BANK1: variants seen among roughly 807,000 people sequenced by gnomAD.
BANK1 encodes the protein B cell scaffold protein with ankyrin repeats 1.
A neutral mutation model predicts 94.5 loss-of-function variants in BANK1; 95 were observed. The observed-to-expected ratio is 1.00, with a 90% CI of 0.85 to 1.19. BANK1 has a LOEUF of 1.19. Ranked by LOEUF, BANK1 falls within the 50% of genes most tolerant of loss-of-function variation. BANK1 has a pLI of 0.00. For synonymous variants in BANK1, 334 were observed against 308.4 expected (o/e 1.08, Z -0.87); for missense variants, 987 against 932.2 (o/e 1.06, Z -0.77).
chr4:102,060,199 C>G lies in BANK1; in HGVS notation c.1970-12C>G, dbSNP rs1168011439. The G allele has an allele frequency of 6.4e-7, 1 of 1,551,296 alleles. No individual in the cohort carries two copies. Among genetic ancestry groups the G allele is most frequent in the South Asian group, 1.2e-5 (1 of 80,218 alleles). On this transcript the variant is annotated splice_polypyrimidine_tract_variant and intron_variant, in intron 11 of 16. Transcript: ENST00000322953. ...GGACTTTCTGTTAATGCACCCTCCCCTTGTATTTTAGACAGAGCTCGGATA... is the reference window on the plus strand; with the variant it reads ...GGACTTTCTGTTAATGCACCCTCCCGTTGTATTTTAGACAGAGCTCGGATA...
chr4:101,873,732 G>C (rs1225581299), intron 5 of BANK1, among the ~76,000 whole-genome samples: 1 of 152,028 alleles, frequency 6.6e-6, no homozygotes, highest in Non-Finnish European at 1.5e-5. Flanking sequence ...GAAATTTCCA[G>C]AACATCACTT....
intron 1 of BANK1, among the ~76,000 whole-genome samples, chr4:101,814,422 G>C (rs1434547513): frequency 6.6e-6 from 1 of 152,162 alleles, no homozygotes; most frequent in African/African-American, 2.4e-5. Flanking sequence ...ATTAAGTAGA[G>C]AGAAAGAACA....
intron 7 of BANK1, among the ~76,000 whole-genome samples, chr4:101,968,536 G>C (rs1230658363): frequency 6.6e-6 from 1 of 151,906 alleles, no homozygotes; most frequent in East Asian, 1.9e-4. Context: ...TCAAAGGGAG[G>C]TGTAGAGAGG....
At chr4:101,837,249 T>A (rs1425144957) in intron 2 of BANK1, among the ~76,000 whole-genome samples, 1 of 152,204 alleles carries the variant, frequency 6.6e-6, no homozygotes, top group Admixed American at 6.5e-5. Flanking sequence ...CTAAGACCGG[T>A]ACAACTGTTT....
At chr4:101,938,501 C>A (rs1578409593) in intron 7 of BANK1, among the ~76,000 whole-genome samples, 2 of 151,256 alleles carry the variant, frequency 1.3e-5, no homozygotes, top group East Asian at 3.9e-4. Context: ...TGATGGATAC[C>A]CCATTTACCC....
At chr4:102,013,387 A>G (rs17031856) in intron 7 of BANK1, among the ~76,000 whole-genome samples, 6,083 of 152,176 alleles carry the variant, frequency 0.04, 127 homozygotes, top group African/African-American at 0.055. Flanking sequence ...ATGTTAGCCT[A>G]AAGAAGTTCT....
chr4:101,814,784 T>G (rs1022970736), intron 1 of BANK1, among the ~76,000 whole-genome samples: 5 of 152,164 alleles, frequency 3.3e-5, no homozygotes, highest in African/African-American at 1.2e-4. Context: ...GAGTTAAAAT[T>G]CTTTCCTTAA....
chr4:101,857,071 T>G (rs1341053587), intron 3 of BANK1, among the ~76,000 whole-genome samples: 1 of 152,194 alleles, frequency 6.6e-6, no homozygotes, highest in Non-Finnish European at 1.5e-5. Context: ...ACGACAACTT[T>G]CAGCCTATGT....
At chr4:101,897,348 G>A (rs1434647207) in intron 6 of BANK1, among the ~76,000 whole-genome samples, 7 of 151,804 alleles carry the variant, frequency 4.6e-5, no homozygotes, top group Admixed American at 4.6e-4. Flanking sequence ...GCATGGTTTT[G>A]GTTTCCTGTT....
chr4:101,987,703 T>A (rs1265187108), intron 7 of BANK1, among the ~76,000 whole-genome samples: 1 of 152,116 alleles, frequency 6.6e-6, no homozygotes, highest in African/African-American at 2.4e-5. Context: ...AGAGCAGAAA[T>A]CTTATTCTAC....
At chr4:102,003,098 G>A (rs944460551) in intron 7 of BANK1, among the ~76,000 whole-genome samples, 1 of 152,170 alleles carries the variant, frequency 6.6e-6, no homozygotes, top group South Asian at 2.1e-4. Context: ...GCAGCACAGT[G>A]GTCCCTTTTT....
chr4:101,978,696 A>G (rs1316364793), intron 7 of BANK1, among the ~76,000 whole-genome samples: 2 of 152,064 alleles, frequency 1.3e-5, no homozygotes, highest in African/African-American at 4.8e-5. Flanking sequence ...CCATTGAAAA[A>G]AAAAGAATTG....
rs530740456 is a variant in BANK1 at position 102,002,727 on chromosome 4, G to A, written c.1207-18787G>A. The stretch of plus-strand genomic sequence containing the variant: ...GTGTCTCACTGGACAAACCTGGACA[G>A]AGAACTCAAATTCAGGGAAACTATT... On this transcript the variant is annotated intron_variant, in intron 7 of 16. Transcript: ENST00000322953. Among the ~76,000 whole-genome samples, 4 of 152,278 alleles carry A rather than the reference G, an allele frequency of 2.6e-5. 1 individual carries two copies. The South Asian group carries it at 8.3e-4, about 32-fold the overall frequency.
chr4:101,830,256 T>C lies in BANK1; in HGVS notation c.469+50T>C. 2.9e-6 allele frequency: 4 copies of C among 1,356,260 alleles called. No individual in the cohort carries two copies. The East Asian group carries it at 1.0e-4, about 34-fold the overall frequency. The allele number at this position is 1,356,260 out of a possible 1,614,324, so 84.0% of individuals were successfully genotyped here. A position where few individuals can be genotyped will look rare whatever the true frequency, so the allele number is the denominator to read the frequency against. Reference sequence around the variant, plus strand: ...TTTATTTTTATTTGTTTTTTTTTTTTTGTAATTAAAGAATTGCAAGTTGTT... The same window carrying C: ...TTTATTTTTATTTGTTTTTTTTTTTCTGTAATTAAAGAATTGCAAGTTGTT... On this transcript the variant is annotated intron_variant, in intron 2 of 16. Coordinates refer to ENST00000322953, the MANE Select transcript of BANK1 (RefSeq NM_017935.5).
chr4:101,913,394 G>A (rs750535970), intron 6 of BANK1, among the ~76,000 whole-genome samples: 8 of 152,062 alleles, frequency 5.3e-5, no homozygotes, highest in Admixed American at 1.3e-4. Context: ...GAAAATAAAC[G>A]TATTTAAATA....
chr4:101,821,875 A>G (rs1212614343), intron 1 of BANK1, among the ~76,000 whole-genome samples: 1 of 152,172 alleles, frequency 6.6e-6, no homozygotes, highest in Non-Finnish European at 1.5e-5. Flanking sequence ...GTGGAGGGCC[A>G]ATAAAAAACC....
chr4:101,818,627 G>A (rs958534008), intron 1 of BANK1, among the ~76,000 whole-genome samples: 3 of 151,998 alleles, frequency 2.0e-5, no homozygotes, highest in Non-Finnish European at 2.9e-5. Flanking sequence ...ATTTTGAAAG[G>A]AAGAGAAAGA....
intron 4 of BANK1, among the ~76,000 whole-genome samples, chr4:101,865,752 A>G (rs2148878847): frequency 6.6e-6 from 1 of 152,222 alleles, no homozygotes; most frequent in East Asian, 1.9e-4. Context: ...GGTTACCACA[A>G]CAGGATTCCA....
intron 7 of BANK1, among the ~76,000 whole-genome samples, chr4:101,998,054 G>C (rs1361807117): frequency 3.3e-5 from 5 of 151,934 alleles, no homozygotes; most frequent in Non-Finnish European, 7.4e-5. Flanking sequence ...GTGGACATTT[G>C]GTGCTAAAAA....
Sources: gnomAD v4.1 joint callset for allele counts (sites outside exome capture counted in the v4.1 genomes callset) on GRCh38, gnomAD v4.1.1 for gene constraint, MANE v1.5 for transcripts, NCBI Gene and HGNC (gene_info 2026-07-23, HGNC 2026-07-21) for gene names.